The following HCRTR2 variants were observed in gnomAD, a reference collection of about 807,000 sequenced individuals.
HCRTR2 encodes the protein hypocretin receptor 2, also known as orexin receptor type 2.
In HCRTR2, 22 loss-of-function variants were observed where a neutral mutation model predicts 49.0. That is an observed-to-expected ratio of 0.45 (90% confidence interval 0.32 to 0.64). The LOEUF (loss-of-function observed/expected upper bound fraction) is 0.64. HCRTR2 is among the 30% of genes least tolerant of loss of function. The pLI is 0.04. For synonymous variants in HCRTR2, 236 were observed against 205.3 expected (o/e 1.15, Z -1.28); for missense variants, 491 against 559.4 (o/e 0.88, Z 1.23).
chr6:55,140,745 A>G (rs1764494671), intron 1 of HCRTR2, among the ~76,000 whole-genome samples: 1 of 152,198 alleles, frequency 6.6e-6, no homozygotes, highest in South Asian at 2.1e-4. Flanking sequence ...TATATCATAG[A>G]ACCAGGAAAT....
intron 1 of HCRTR2, among the ~76,000 whole-genome samples, chr6:55,204,236 G>A (rs781163243): frequency 1.3e-5 from 2 of 152,062 alleles, no homozygotes; most frequent in Non-Finnish European, 2.9e-5. Context: ...GAATACCCCA[G>A]CTCTCATATT....
intron 6 of HCRTR2, 63 bp from the exon 7 acceptor site, chr6:55,282,162 A>G (rs1271872176): frequency 1.1e-5 from 13 of 1,192,528 alleles, no homozygotes; most frequent in African/African-American, 1.5e-5. Flanking sequence ...GTTGTACCCT[A>G]TTCATAATTT....
At chr6:55,177,077 C>T (rs542300048) in intron 1 of HCRTR2, among the ~76,000 whole-genome samples, 1 of 152,240 alleles carries the variant, frequency 6.6e-6, no homozygotes, top group Admixed American at 6.5e-5. Flanking sequence ...GTTTGCTAGC[C>T]TGGGGAGTTT....
chr6:55,251,580 G>C (rs995389726), intron 2 of HCRTR2, among the ~76,000 whole-genome samples: 1 of 151,980 alleles, frequency 6.6e-6, no homozygotes, highest in Non-Finnish European at 1.5e-5. Flanking sequence ...GAAGCCAAGT[G>C]AGATGTGGGA....
chr6:55,151,565 A>T (rs4715523), intron 1 of HCRTR2, among the ~76,000 whole-genome samples: 74,938 of 151,722 alleles, frequency 0.49, 19,616 homozygotes, highest in Middle Eastern at 0.63. Flanking sequence ...CTGCAGTGAC[A>T]TCTTCCACTG....
chr6:55,170,373 CACGCATAGA>C (rs1438572583), upstream of HCRTR2, among the ~76,000 whole-genome samples: 1 of 149,984 alleles, frequency 6.7e-6, no homozygotes, highest in Admixed American at 6.7e-5. Flanking sequence ...TATTTTGTTA[CACGCATAGA>C]ATGTGTAATG....
At chr6:55,282,174 T>C in intron 6 of HCRTR2, 51 bp from the exon 7 acceptor site, 3 of 1,311,332 alleles carry the variant, frequency 2.3e-6, no homozygotes, top group South Asian at 1.2e-5. Flanking sequence ...TCATAATTTG[T>C]TGAAGCATTT....
chr6:55,159,774 G>T (rs1764780005), intron 1 of HCRTR2, among the ~76,000 whole-genome samples: 1 of 152,144 alleles, frequency 6.6e-6, no homozygotes. Flanking sequence ...AAAGTGTGAA[G>T]ACCAGATTAG....
intron 1 of HCRTR2, among the ~76,000 whole-genome samples, chr6:55,123,151 A>T (rs1764225539): frequency 6.6e-6 from 1 of 151,686 alleles, no homozygotes; most frequent in Non-Finnish European, 1.5e-5. Context: ...AATAAAAAAT[A>T]AAAATTAAAA....
intron 1 of HCRTR2, among the ~76,000 whole-genome samples, chr6:55,201,175 T>C (rs1208347067): frequency 1.3e-5 from 2 of 152,158 alleles, no homozygotes; most frequent in Admixed American, 6.5e-5. Flanking sequence ...TTGGATTAAG[T>C]GTAGGCAGGG....
At chr6:55,241,474 T>G (rs919171052) in intron 1 of HCRTR2, among the ~76,000 whole-genome samples, 15 of 152,280 alleles carry the variant, frequency 9.9e-5, no homozygotes, top group African/African-American at 3.4e-4. Flanking sequence ...ATATTTTTTA[T>G]GTACATAACA....
chr6:55,252,293 T>C (rs1766565115), intron 2 of HCRTR2, among the ~76,000 whole-genome samples: 2 of 152,118 alleles, frequency 1.3e-5, no homozygotes, highest in Non-Finnish European at 2.9e-5. Flanking sequence ...CCAAGTGAAC[T>C]GATATGAATT....
At position 55,175,512 on chromosome 6, in the gene HCRTR2, AT is replaced by A. The variant is rs34441523; in HGVS notation, c.223+713del. Among the ~76,000 whole-genome samples, 1,355 of 148,542 alleles carry A rather than the reference AT, an allele frequency of 9.1e-3. 11 individuals are homozygous for A. Among genetic ancestry groups the A allele is most frequent in the Middle Eastern group, 0.032 (9 of 282 alleles). ...CATTCTTACATCCATTCAGCCAAAT[AT>A]TTTTTTTTTTCAGTCTGCTTGTTGC... On this transcript the variant is annotated intron_variant, in intron 1 of 6. Coordinates refer to ENST00000370862, the MANE Select transcript of HCRTR2 (RefSeq NM_001384272.1).
chr6:55,278,890 C>T (rs1287274288), intron 5 of HCRTR2, among the ~76,000 whole-genome samples: 1 of 151,508 alleles, frequency 6.6e-6, no homozygotes, highest in East Asian at 1.9e-4. Context: ...AATCTTTTTT[C>T]TCTTTTAGTC....
intron 1 of HCRTR2, among the ~76,000 whole-genome samples, chr6:55,241,117 TC>T (rs1213178393): frequency 1.2e-5 from 1 of 82,314 alleles, no homozygotes; most frequent in Non-Finnish European, 2.3e-5. Context: ...ATGCTATCCC[TC>T]CCCCTCCCCC....
upstream of HCRTR2, among the ~76,000 whole-genome samples, chr6:55,170,386 T>G (rs987971703): frequency 6.6e-6 from 1 of 150,858 alleles, no homozygotes; most frequent in Non-Finnish European, 1.5e-5. Context: ...GCATAGAATG[T>G]GTAATGGTCA....
intron 1 of HCRTR2, among the ~76,000 whole-genome samples, chr6:55,124,837 G>A (rs1009892032): frequency 6.6e-6 from 1 of 151,798 alleles, no homozygotes; most frequent in Non-Finnish European, 1.5e-5. Context: ...TCTTGTTGCA[G>A]TGATCCCTTT....
chr6:55,212,298 A>T (rs80301480), intron 1 of HCRTR2, among the ~76,000 whole-genome samples: 1,877 of 152,286 alleles, frequency 0.012, 41 homozygotes, highest in African/African-American at 0.043. Context: ...ACATGGTTAG[A>T]TAACTACACA....
chr6:55,273,130 A>G (rs1220671406), intron 4 of HCRTR2, among the ~76,000 whole-genome samples: 1 of 152,034 alleles, frequency 6.6e-6, no homozygotes, highest in East Asian at 1.9e-4. Context: ...GTGTCAAGAA[A>G]TCATGGGATT....
Sources: allele counts gnomAD v4.1 joint callset (sites outside exome capture counted in the v4.1 genomes callset), GRCh38; gene constraint gnomAD v4.1.1; transcripts MANE v1.5; gene names NCBI Gene and HGNC (gene_info 2026-07-23, HGNC 2026-07-21).